The following MALRD1 variants were observed in gnomAD, a reference collection of about 807,000 sequenced individuals.
MALRD1 encodes MAM and LDL-receptor class A domain-containing protein 1.
In MALRD1, 247 loss-of-function variants were observed where a neutral mutation model predicts 242.1. The observed-to-expected ratio is 1.02, with a 90% CI of 0.92 to 1.13. The LOEUF is 1.13. Among genes scored for constraint, MALRD1 ranks in the 50% most tolerant of loss-of-function variants. The pLI, the probability that MALRD1 is intolerant of heterozygous loss-of-function variation, is 0.00. For synonymous variants in MALRD1, 995 were observed against 866.6 expected (o/e 1.15, Z -2.60); for missense variants, 2,989 against 2,533.1 (o/e 1.18, Z -3.86).
intron 29 of MALRD1, among the ~76,000 whole-genome samples, chr10:19,474,911 G>T (rs979167977): frequency 6.6e-6 from 1 of 151,980 alleles, no homozygotes; most frequent in Non-Finnish European, 1.5e-5. Flanking sequence ...AAAAATGAAT[G>T]TTATATAACA....
intron 19 of MALRD1, among the ~76,000 whole-genome samples, chr10:19,258,370 C>G (rs761259114): frequency 6.6e-6 from 1 of 152,026 alleles, no homozygotes; most frequent in African/African-American, 2.4e-5. Flanking sequence ...CAACCCAGGC[C>G]TTGAATAGTG....
At chr10:19,512,971 AT>A (rs2131293676) in intron 31 of MALRD1, among the ~76,000 whole-genome samples, 1 of 152,300 alleles carries the variant, frequency 6.6e-6, no homozygotes, top group East Asian at 1.9e-4. Context: ...AATTTACTTA[AT>A]TTTAAATAAC....
At chr10:19,591,785 G>A (rs371748171) in intron 33 of MALRD1, among the ~76,000 whole-genome samples, 3 of 152,122 alleles carry the variant, frequency 2.0e-5, no homozygotes, top group South Asian at 2.1e-4. Context: ...GGCATGAGCC[G>A]CTATGCCCAT....
rs1237865959 is a variant in MALRD1 at position 19,203,844 on chromosome 10, G to C, written c.2068G>C (p.Ala690Pro). 1.4e-5 allele frequency: 21 copies of C among 1,550,370 alleles called. No individual in the cohort carries two copies. The highest frequency in any genetic ancestry group is 1.7e-5 in the Non-Finnish European group (20 of 1,146,936). ...ACTTTCTGCTGATTTTGAGCACCAGGCTCCACCTCGGGATCATAGTCTCAA... is the reference window on the plus strand; with the variant it reads ...ACTTTCTGCTGATTTTGAGCACCAGCCTCCACCTCGGGATCATAGTCTCAA... The part of the protein sequence containing the change: ...SELSADFEHQ[A>P]PPRDHSLNAS... The change falls in exon 15 of 40, where the codon GCT (alanine) becomes CCT (proline). Residue 690 changes from alanine (A) to proline (P), a missense_variant. Coordinates refer to ENST00000454679, the MANE Select transcript of MALRD1 (RefSeq NM_001142308.3).
chr10:19,171,266 T>C, intron 13 of MALRD1, among the ~76,000 whole-genome samples: 1 of 151,558 alleles, frequency 6.6e-6, no homozygotes, highest in East Asian at 1.9e-4. Flanking sequence ...AAATGTAAAT[T>C]ATTCAATTAC....
intron 28 of MALRD1, among the ~76,000 whole-genome samples, chr10:19,433,453 G>A (rs1454675012): frequency 3.3e-5 from 5 of 152,118 alleles, no homozygotes; most frequent in African/African-American, 9.7e-5. Flanking sequence ...TGGGCAGAGG[G>A]CCTCTGAGCC....
intron 8 of MALRD1, among the ~76,000 whole-genome samples, chr10:19,130,095 A>G (rs1380039236): frequency 6.6e-6 from 1 of 152,042 alleles, no homozygotes; most frequent in Non-Finnish European, 1.5e-5. Context: ...TTGCAATAGT[A>G]CTTTGTAGTC....
At chr10:19,699,094 A>C (rs1157581499) in intron 38 of MALRD1, among the ~76,000 whole-genome samples, 1 of 152,088 alleles carries the variant, frequency 6.6e-6, no homozygotes, top group Non-Finnish European at 1.5e-5. Flanking sequence ...TAATGCCTGC[A>C]AGGCTTAAAA....
At chr10:19,510,260 A>T (rs61841374) in intron 31 of MALRD1, among the ~76,000 whole-genome samples, 14,697 of 152,150 alleles carry the variant, frequency 0.097, 730 homozygotes, top group South Asian at 0.11. Context: ...TTGCCAAGGG[A>T]GGAGCAGGAG....
intron 28 of MALRD1, among the ~76,000 whole-genome samples, chr10:19,436,688 G>GT (rs1412397661): frequency 4.6e-5 from 7 of 152,026 alleles, no homozygotes; most frequent in African/African-American, 7.2e-5. Flanking sequence ...CGTCTATGAG[G>GT]TTTTTTCATA....
intron 4 of MALRD1, among the ~76,000 whole-genome samples, chr10:19,098,938 T>A (rs1242004949): frequency 6.6e-6 from 1 of 152,178 alleles, no homozygotes; most frequent in Admixed American, 6.5e-5. Flanking sequence ...AGGTGTGTTA[T>A]TTGCATAAGG....
intron 36 of MALRD1, among the ~76,000 whole-genome samples, chr10:19,660,381 C>A (rs967365583): frequency 2.0e-5 from 3 of 152,142 alleles, no homozygotes; most frequent in Non-Finnish European, 4.4e-5. Flanking sequence ...AACCTGTAGA[C>A]AAAGCAGTGA....
At chr10:19,424,174 T>TA (rs1833818973) in intron 28 of MALRD1, among the ~76,000 whole-genome samples, 1 of 152,194 alleles carries the variant, frequency 6.6e-6, no homozygotes. Context: ...TTTTGTTTTT[T>TA]AGATAGAGTC....
chr10:19,141,318 G>C (rs994120162), intron 10 of MALRD1, among the ~76,000 whole-genome samples: 3 of 152,116 alleles, frequency 2.0e-5, no homozygotes, highest in African/African-American at 7.2e-5. Flanking sequence ...GTTATATGAA[G>C]TACCTAAAGT....
At chr10:19,191,747 T>A (rs1588676597) in intron 14 of MALRD1, among the ~76,000 whole-genome samples, 1 of 152,094 alleles carries the variant, frequency 6.6e-6, no homozygotes, top group Non-Finnish European at 1.5e-5. Flanking sequence ...CCTGTAATCC[T>A]AGCACTTTGG....
At chr10:19,631,580 C>T (rs1046942785) in intron 36 of MALRD1, among the ~76,000 whole-genome samples, 22 of 152,150 alleles carry the variant, frequency 1.4e-4, no homozygotes, top group Admixed American at 1.0e-3. Context: ...CTGCTTTCCA[C>T]AATGGTTGAA....
intron 39 of MALRD1, among the ~76,000 whole-genome samples, chr10:19,733,117 A>G (rs1007146137): frequency 2.6e-5 from 4 of 152,136 alleles, no homozygotes; most frequent in South Asian, 2.1e-4. Context: ...CTTTCAAACT[A>G]TGTTTTAAAT....
chr10:19,633,342 G>T (rs947529983), intron 36 of MALRD1, among the ~76,000 whole-genome samples: 5 of 152,170 alleles, frequency 3.3e-5, no homozygotes, highest in African/African-American at 1.2e-4. Context: ...TAACTTCGAG[G>T]GGACTTCCCA....
chr10:19,450,233 T>C (rs146639529), intron 28 of MALRD1, 74 bp from the exon 29 acceptor site: 22 of 1,246,144 alleles, frequency 1.8e-5, no homozygotes, highest in Middle Eastern at 5.6e-4. Flanking sequence ...GATAAATAAC[T>C]GGGTTTTGCC....
Sources: gnomAD v4.1 joint callset for allele counts (sites outside exome capture counted in the v4.1 genomes callset) on GRCh38, gnomAD v4.1.1 for gene constraint, MANE v1.5 for transcripts, NCBI Gene and HGNC (gene_info 2026-07-23, HGNC 2026-07-21) for gene names.